LMO7: variants seen among roughly 807,000 people sequenced by gnomAD.
LMO7 encodes the protein LIM domain only protein 7.
LMO7 carries 120 observed loss-of-function variants against 206.5 expected under a neutral mutation model. That is an observed-to-expected ratio of 0.58 (90% CI 0.50 to 0.68). LMO7 has a LOEUF of 0.68. LMO7 is among the 30% of genes least tolerant of loss of function. The pLI, the probability that LMO7 is intolerant of heterozygous loss-of-function variation, is 0.00. For missense variants in LMO7, 1,959 were observed against 1,957.9 expected (o/e 1.00, Z -0.01); for synonymous variants, 706 against 681.5 (o/e 1.04, Z -0.56).
At chr13:75,626,915 T>C (rs2138731904) in intron 2 of LMO7, 1 of 152,144 alleles carries the variant, frequency 6.6e-6, no homozygotes, top group South Asian at 2.1e-4. Context: ...GATACATTAT[T>C]GTTGACCATA....
intron 12 of LMO7, 148 bp downstream of exon 12, chr13:75,817,426 T>G: frequency 1.9e-6 from 1 of 521,928 alleles, no homozygotes; most frequent in African/African-American, 2.0e-5. Flanking sequence ...TACAAAGATT[T>G]TTAAACCTTT....
chr13:75,813,562 AC>A (rs2056667011), intron 11 of LMO7, among the ~76,000 whole-genome samples: 1 of 152,102 alleles, frequency 6.6e-6, no homozygotes, highest in Non-Finnish European at 1.5e-5. Context: ...GATGTGGGTA[AC>A]TTTTTGTACC....
chr13:75,712,788 A>G (rs750794456), intron 1 of LMO7, among the ~76,000 whole-genome samples: 3 of 152,218 alleles, frequency 2.0e-5, no homozygotes, highest in Non-Finnish European at 2.9e-5. Flanking sequence ...TAGTGTATTC[A>G]GTGTCGTTGG....
At chr13:75,755,013 A>C (rs1365615305) in intron 3 of LMO7, among the ~76,000 whole-genome samples, 1 of 152,248 alleles carries the variant, frequency 6.6e-6, no homozygotes, top group Non-Finnish European at 1.5e-5. Context: ...TCAAGAGAAT[A>C]AGAATGAGCA....
intron 4 of LMO7, among the ~76,000 whole-genome samples, chr13:75,766,998 C>A (rs1429689943): frequency 1.3e-5 from 2 of 152,064 alleles, no homozygotes; most frequent in Non-Finnish European, 2.9e-5. Context: ...CTTTTGGTTT[C>A]AGTTGCCTTT....
chr13:75,842,484 A>G (rs952675480), intron 24 of LMO7, among the ~76,000 whole-genome samples: 4 of 152,044 alleles, frequency 2.6e-5, no homozygotes, highest in African/African-American at 9.7e-5. Context: ...TTCTCTCTGT[A>G]TACTCTTATT....
chr13:75,768,664 T>G (rs557448923), intron 4 of LMO7, among the ~76,000 whole-genome samples: 2 of 152,270 alleles, frequency 1.3e-5, no homozygotes, highest in East Asian at 3.9e-4. Context: ...GTTCCATTTT[T>G]TTCCCTTCAT....
intron 4 of LMO7, among the ~76,000 whole-genome samples, chr13:75,778,786 T>C (rs1371054788): frequency 6.6e-6 from 1 of 152,190 alleles, no homozygotes; most frequent in Non-Finnish European, 1.5e-5. Context: ...TCAGACGTAA[T>C]TTTAACTTTG....
In LMO7 at chr13:75,758,881, G is replaced by A. The variant is rs141362346; in HGVS notation, c.211-2051G>A. Among the ~76,000 whole-genome samples, 5 of 152,260 alleles carry A rather than the reference G, an allele frequency of 3.3e-5. No individual in the cohort carries two copies. The East Asian group carries it at 9.6e-4, about 29-fold the overall frequency. ...TGAATTGGTGTGAAGACTTCTAATG[G>A]TTTGTTTTTCCTTTATTGATATGAG... On this transcript the variant is annotated intron_variant, in intron 3 of 30. Transcript: ENST00000377534.
At chr13:75,698,602 GT>G (rs572194746) in intron 1 of LMO7, among the ~76,000 whole-genome samples, 1,589 of 134,966 alleles carry the variant, frequency 0.012, 18 homozygotes, top group East Asian at 0.062. Flanking sequence ...ATATATTTAA[GT>G]TTTTTTTTTT....
At position 75,663,123 on chromosome 13, in the gene LMO7, A is replaced by C. The variant is rs188256607; in HGVS notation, c.69+26397A>C. On this transcript the variant is annotated intron_variant, in intron 1 of 30. Transcript: ENST00000377534. ...ATTGTAGTTGCTAATTAAATGTATAAGTTTTTTTTTTTACTATAAATCTCT... is the reference window on the plus strand; with the variant it reads ...ATTGTAGTTGCTAATTAAATGTATACGTTTTTTTTTTTACTATAAATCTCT... Among the ~76,000 whole-genome samples the C allele has an allele frequency of 1.2e-3, 183 of 151,852 alleles. 2 individuals carry two copies. The highest frequency in any genetic ancestry group is 5.6e-3 in the Admixed American group (85 of 15,242).
At chr13:75,776,166 T>TGG (rs2050400460) in intron 4 of LMO7, among the ~76,000 whole-genome samples, 1 of 33,440 alleles carries the variant, frequency 3.0e-5, no homozygotes, top group African/African-American at 1.4e-4. Context: ...ATATCGGATA[T>TGG]ATATATATAT....
intron 1 of LMO7, among the ~76,000 whole-genome samples, chr13:75,699,073 CT>C (rs924256481): frequency 6.6e-6 from 1 of 152,174 alleles, no homozygotes; most frequent in African/African-American, 2.4e-5. Context: ...CATATTTGGT[CT>C]TTTTTTACCT....
intron 11 of LMO7, among the ~76,000 whole-genome samples, 177 bp downstream of exon 11, chr13:75,809,360 C>G (rs1191617501): frequency 6.6e-6 from 1 of 151,964 alleles, no homozygotes; most frequent in Non-Finnish European, 1.5e-5. Context: ...GTCTTGGTGC[C>G]CAGTGCAAGA....
Position 75,780,589 on chromosome 13 carries a change from A to G in LMO7, c.318-14812A>G, listed in dbSNP as rs534622555. Among the ~76,000 whole-genome samples the G allele has an allele frequency of 1.3e-4, 20 of 152,300 alleles. 1 individual carries two copies. The South Asian group carries it at 3.9e-3, about 30-fold the overall frequency. On this transcript the variant is annotated intron_variant, in intron 4 of 30. Coordinates refer to ENST00000377534, the MANE Select transcript of LMO7 (RefSeq NM_001306080.2). ...GCTCTACAATTTGTGCAGATAACAC[A>G]ATCATCACAGGATCAAGAGGCGACA...
intron 3 of LMO7, among the ~76,000 whole-genome samples, chr13:75,752,144 T>A (rs2047323442): frequency 1.3e-5 from 2 of 151,886 alleles, no homozygotes; most frequent in Admixed American, 1.3e-4. Context: ...TTTATTATTA[T>A]TATTTTTGAC....
rs186078865 is a variant in LMO7 at position 75,840,013 on chromosome 13, A to G, written c.3452-72A>G. The stretch of plus-strand genomic sequence containing the variant: ...AGACAGCTAATGATAGAAGTTTCTG[A>G]AAGGAATTATTTCATAGAAATGAAG... On this transcript the variant is annotated intron_variant, in intron 20 of 30. Transcript: ENST00000377534. 7 of 1,446,678 alleles carry G rather than the reference A, an allele frequency of 4.8e-6. No homozygotes were observed. In the East Asian group the frequency reaches 1.4e-4, roughly 28 times the overall value. The allele number at this position is 1,446,678 out of a possible 1,614,324, so 89.6% of individuals were successfully genotyped here.
chr13:75,641,262 C>G (rs1047854882), intron 1 of LMO7, among the ~76,000 whole-genome samples: 1 of 152,174 alleles, frequency 6.6e-6, no homozygotes, highest in Non-Finnish European at 1.5e-5. Context: ...AACCCATCTG[C>G]CCACTAGGCT....
chr13:75,678,175 G>A (rs1255560779), intron 1 of LMO7, among the ~76,000 whole-genome samples: 1 of 152,088 alleles, frequency 6.6e-6, no homozygotes, highest in East Asian at 1.9e-4. Context: ...GGATTGCTGG[G>A]TCAAATGATA....
Sources: gnomAD v4.1 joint callset for allele counts (sites outside exome capture counted in the v4.1 genomes callset) on GRCh38, gnomAD v4.1.1 for gene constraint, MANE v1.5 for transcripts, NCBI Gene and HGNC (gene_info 2026-07-23, HGNC 2026-07-21) for gene names.